SLC9A7: variants seen among roughly 807,000 people sequenced by gnomAD.
SLC9A7 encodes the protein sodium/hydrogen exchanger 7.
A neutral mutation model predicts 52.6 loss-of-function variants in SLC9A7; 19 were observed. That is an observed-to-expected ratio of 0.36 (90% confidence interval 0.25 to 0.53). The LOEUF (loss-of-function observed/expected upper bound fraction) is 0.53. Among genes scored for constraint, SLC9A7 ranks in the 20% least tolerant of loss-of-function variants. SLC9A7 has a pLI of 0.91. For synonymous variants in SLC9A7, 226 were observed against 252.1 expected (o/e 0.90, Z 0.98); for missense variants, 455 against 597.9 (o/e 0.76, Z 2.49).
intron 1 of SLC9A7, among the ~76,000 whole-genome samples, chrX:46,754,398 G>C (rs782259058): frequency 1.8e-5 from 2 of 112,070 alleles, no homozygotes; most frequent in African/African-American, 3.2e-5. Context: ...AGGGTTATCT[G>C]GTACCAAAGT....
intron 1 of SLC9A7, among the ~76,000 whole-genome samples, chrX:46,684,366 A>G (rs1050387237): frequency 2.7e-5 from 3 of 110,561 alleles, no homozygotes; most frequent in Non-Finnish European, 5.7e-5. Flanking sequence ...TATCACACCC[A>G]GCTAATTTTT....
chrX:46,730,414 T>C (rs1237212665), intron 1 of SLC9A7, among the ~76,000 whole-genome samples: 1 of 108,172 alleles, frequency 9.2e-6, no homozygotes, highest in East Asian at 2.9e-4. Flanking sequence ...ATCCCAGCAC[T>C]TTGGGAGGCC....
intron 12 of SLC9A7, among the ~76,000 whole-genome samples, chrX:46,636,119 TAAG>T (rs1943315147): frequency 1.8e-5 from 2 of 111,834 alleles, no homozygotes; most frequent in Non-Finnish European, 3.8e-5. Context: ...CAACAATACT[TAAG>T]AAGACAAAGA....
intron 15 of SLC9A7, among the ~76,000 whole-genome samples, chrX:46,619,554 A>G (rs755801063): frequency 8.9e-6 from 1 of 111,966 alleles, no homozygotes; most frequent in East Asian, 2.8e-4. Flanking sequence ...TTATACACAT[A>G]ATGTCAAGCC....
At chrX:46,652,198 T>C (rs959969463) in intron 8 of SLC9A7, among the ~76,000 whole-genome samples, 1 of 112,006 alleles carries the variant, frequency 8.9e-6, no homozygotes, top group Non-Finnish European at 1.9e-5. Flanking sequence ...TATCCCTCAG[T>C]GGACGGCAGT....
chrX:46,734,784 T>A (rs1172094565), intron 1 of SLC9A7, among the ~76,000 whole-genome samples: 1 of 111,436 alleles, frequency 9.0e-6, no homozygotes, highest in Non-Finnish European at 1.9e-5. Flanking sequence ...AATTTAAGCA[T>A]ACGATTCAAT....
chrX:46,635,506 TA>T (rs1049947131), intron 13 of SLC9A7, 82 bp downstream of exon 13: 4 of 772,405 alleles, frequency 5.2e-6, no homozygotes, highest in Non-Finnish European at 7.8e-6. Flanking sequence ...AAGAGAAAAA[TA>T]GTGTAAAGAG....
intron 1 of SLC9A7, among the ~76,000 whole-genome samples, chrX:46,738,112 A>G (rs866507653): frequency 7.7e-4 from 83 of 107,755 alleles, no homozygotes; most frequent in Middle Eastern, 4.8e-3. Flanking sequence ...AGAAAGAGAA[A>G]AGAAAAGAAA....
intron 1 of SLC9A7, among the ~76,000 whole-genome samples, chrX:46,734,744 G>A (rs1945095484): frequency 9.1e-6 from 1 of 110,080 alleles, no homozygotes; most frequent in Admixed American, 9.7e-5. Flanking sequence ...ATTTTATTGA[G>A]TTATAATTCA....
intron 14 of SLC9A7, among the ~76,000 whole-genome samples, chrX:46,630,626 G>A (rs769999530): frequency 9.8e-4 from 110 of 111,955 alleles, no homozygotes; most frequent in Middle Eastern, 4.6e-3. Context: ...CCTGGATAAA[G>A]AGCCAGACCT....
intron 1 of SLC9A7, among the ~76,000 whole-genome samples, chrX:46,740,390 A>G (rs1050653068): frequency 9.0e-6 from 1 of 111,512 alleles, no homozygotes; most frequent in Admixed American, 9.6e-5. Flanking sequence ...GAAAAGAGAA[A>G]TAAATAAAAG....
At chrX:46,672,207 T>C (rs1386914290) in intron 4 of SLC9A7, among the ~76,000 whole-genome samples, 2 of 111,845 alleles carry the variant, frequency 1.8e-5, no homozygotes, top group Non-Finnish European at 3.8e-5. Flanking sequence ...GTCTGTTTTC[T>C]GAGTACTTCC....
At chrX:46,747,138 G>T (rs1243705438) in intron 1 of SLC9A7, among the ~76,000 whole-genome samples, 2 of 111,788 alleles carry the variant, frequency 1.8e-5, no homozygotes, top group Non-Finnish European at 3.8e-5. Context: ...CAGAGGCCAG[G>T]AAGGGTAGGG....
At position 46,613,521 on chromosome X, in the gene SLC9A7, C is replaced by T. The variant is rs1426507122; in HGVS notation, c.1824-127G>A. On this transcript the variant is annotated intron_variant, in intron 15 of 16. Transcript: ENST00000616978. The stretch of plus-strand genomic sequence containing the variant: ...TTCCCCATTTTACTCGTACAACACA[C>T]GAAATACTTGTAACATGCAACAGTT... 20 of 416,497 alleles carry T rather than the reference C, an allele frequency of 4.8e-5. No homozygotes were observed. In the East Asian group the frequency reaches 7.1e-4, roughly 15 times the overall value. 34.3% of individuals were successfully genotyped at this position (416,497 alleles called of 1,213,427 possible).
intron 4 of SLC9A7, among the ~76,000 whole-genome samples, chrX:46,671,875 G>C (rs759582570): frequency 5.4e-5 from 6 of 112,031 alleles, no homozygotes; most frequent in Non-Finnish European, 1.1e-4. Flanking sequence ...TCTTCAGAAA[G>C]AAGTCACTAC....
Position 46,635,592 on chromosome X carries a change from A to G in SLC9A7, c.1673T>C (p.Phe558Ser). ...EDQNEHHWQY[F>S]RVGVDPDQDP... ...TCTGAGGATGCCCTTGTGTCACCTGAAGTACTGCCAGTGGTGTTCATTCTG... is the reference window on the plus strand; with the variant it reads ...TCTGAGGATGCCCTTGTGTCACCTGGAGTACTGCCAGTGGTGTTCATTCTG... The change falls in exon 13 of 17, where the codon TTC (phenylalanine) becomes TCC (serine). Residue 558 changes from phenylalanine to serine, a missense_variant. By Grantham distance (155) the Phe-to-Ser change is radical (BLOSUM62 -2). Coordinates refer to ENST00000616978, the MANE Select transcript of SLC9A7 (RefSeq NM_001257291.2). 1 of 1,208,147 alleles carries G rather than the reference A, an allele frequency of 8.3e-7. No homozygotes were observed. The highest frequency in any genetic ancestry group is 1.1e-6 in the Non-Finnish European group (1 of 892,620).
intron 14 of SLC9A7, among the ~76,000 whole-genome samples, chrX:46,622,663 T>G (rs1943064874): frequency 9.0e-6 from 1 of 111,559 alleles, no homozygotes; most frequent in Non-Finnish European, 1.9e-5. Context: ...CACAAAGCAT[T>G]TATTATCACT....
At chrX:46,625,151 A>T (rs1249602340) in intron 14 of SLC9A7, among the ~76,000 whole-genome samples, 2 of 112,203 alleles carry the variant, frequency 1.8e-5, no homozygotes, top group East Asian at 5.6e-4. Flanking sequence ...ATGCATAATG[A>T]TATCTGTGTA....
chrX:46,664,731 T>A (rs1029079552), intron 5 of SLC9A7, among the ~76,000 whole-genome samples: 23 of 111,301 alleles, frequency 2.1e-4, no homozygotes, highest in East Asian at 5.6e-4. Flanking sequence ...GCCCATTTTT[T>A]AAAAATTTTA....
Sources: allele counts gnomAD v4.1 joint callset (sites outside exome capture counted in the v4.1 genomes callset), GRCh38; gene constraint gnomAD v4.1.1; transcripts MANE v1.5; gene names NCBI Gene and HGNC (gene_info 2026-07-23, HGNC 2026-07-21).